NCAM1: variants seen among roughly 807,000 people sequenced by gnomAD.
NCAM1 encodes neural cell adhesion molecule 1, also known as antigen recognized by monoclonal antibody 5.1H11.
A neutral mutation model predicts 109.8 loss-of-function variants in NCAM1; 14 were observed. That is an observed-to-expected ratio of 0.13 (90% CI 0.08 to 0.20). The LOEUF (loss-of-function observed/expected upper bound fraction) is 0.20, where lower values mean the gene tolerates loss of function less well. NCAM1 is among the 10% of genes least tolerant of loss of function. The pLI is 1.00. For missense variants in NCAM1, 774 were observed against 1,109.9 expected (o/e 0.70, Z 4.30); for synonymous variants, 418 against 442.9 (o/e 0.94, Z 0.70).
chr11:113,041,852 A>G (rs562788271), intron 1 of NCAM1, among the ~76,000 whole-genome samples: 2 of 152,058 alleles, frequency 1.3e-5, no homozygotes, highest in African/African-American at 4.8e-5. Context: ...TTACCCCTTT[A>G]CCTGTCCCTC....
chr11:112,989,614 T>TC (rs1220764819), intron 1 of NCAM1, among the ~76,000 whole-genome samples: 3 of 152,184 alleles, frequency 2.0e-5, no homozygotes, highest in East Asian at 3.9e-4. Flanking sequence ...AGTTATTAGA[T>TC]CTCCATTTCT....
chr11:113,188,441 G>A (rs1943578070), intron 1 of NCAM1, among the ~76,000 whole-genome samples: 1 of 152,180 alleles, frequency 6.6e-6, no homozygotes, highest in Non-Finnish European at 1.5e-5. Flanking sequence ...CATTCAGCAT[G>A]GAGTTTGTTT....
intron 13 of NCAM1, 68 bp from the exon 14 acceptor site, chr11:113,234,965 C>T: frequency 6.7e-7 from 1 of 1,488,186 alleles, no homozygotes; most frequent in Non-Finnish European, 9.0e-7. Context: ...ACCCTCCCTA[C>T]TGTTTTTCAG....
intron 17 of NCAM1, chr11:113,263,391 C>G: frequency 1.0e-6 from 1 of 989,390 alleles, no homozygotes; most frequent in South Asian, 4.6e-5. Flanking sequence ...TAATAATTGG[C>G]TTTGCTTGCA....
intron 15 of NCAM1, among the ~76,000 whole-genome samples, chr11:113,248,915 G>T (rs1282610472): frequency 6.6e-6 from 1 of 152,128 alleles, no homozygotes; most frequent in East Asian, 1.9e-4. Context: ...TGATTCTAAG[G>T]TCATGGCATC....
chr11:113,110,634 C>T (rs1940404211), intron 1 of NCAM1, among the ~76,000 whole-genome samples: 1 of 152,072 alleles, frequency 6.6e-6, no homozygotes, highest in East Asian at 1.9e-4. Context: ...CTGGTGTTTA[C>T]TATTAATATT....
chr11:113,265,978 C>G (rs1335320101), intron 17 of NCAM1, among the ~76,000 whole-genome samples: 1 of 152,176 alleles, frequency 6.6e-6, no homozygotes, highest in African/African-American at 2.4e-5. Flanking sequence ...AGATGGACAG[C>G]TCCACCTTCA....
intron 1 of NCAM1, among the ~76,000 whole-genome samples, chr11:113,025,016 G>A (rs1370761267): frequency 6.6e-6 from 1 of 152,234 alleles, no homozygotes; most frequent in Non-Finnish European, 1.5e-5. Flanking sequence ...CTCATTGGAA[G>A]TAAATGGCTA....
intron 1 of NCAM1, among the ~76,000 whole-genome samples, chr11:112,968,267 C>G (rs1950779668): frequency 6.6e-6 from 1 of 152,202 alleles, no homozygotes; most frequent in Non-Finnish European, 1.5e-5. Flanking sequence ...ATATTTGTCA[C>G]TGCCGATATT....
At chr11:113,147,110 C>T (rs1160615063) in intron 1 of NCAM1, among the ~76,000 whole-genome samples, 1 of 152,160 alleles carries the variant, frequency 6.6e-6, no homozygotes, top group Non-Finnish European at 1.5e-5. Context: ...TGATCACTTG[C>T]ATTTTCAGGA....
chr11:113,144,394 A>C (rs1555101005), intron 1 of NCAM1, among the ~76,000 whole-genome samples: 1 of 152,230 alleles, frequency 6.6e-6, no homozygotes, highest in African/African-American at 2.4e-5. Flanking sequence ...TACTTCTTAA[A>C]GATTAGCAGT....
chr11:113,001,697 G>A (rs1407716671), intron 1 of NCAM1, among the ~76,000 whole-genome samples: 3 of 152,250 alleles, frequency 2.0e-5, no homozygotes, highest in Non-Finnish European at 4.4e-5. Context: ...AGGCTGGTGT[G>A]GTGCCTAACC....
chr11:113,170,877 T>A (rs1171230789), intron 1 of NCAM1, among the ~76,000 whole-genome samples: 2 of 152,210 alleles, frequency 1.3e-5, no homozygotes, highest in African/African-American at 4.8e-5. Flanking sequence ...AAATAATTAT[T>A]TATGCTGTAA....
In NCAM1 at chr11:112,962,633, G is replaced by A. The variant is rs1950600987; in HGVS notation, c.52+969G>A. Among the ~76,000 whole-genome samples the A allele has an allele frequency of 6.6e-6, 1 of 152,164 alleles. No homozygotes were observed. ...GACAGTAGTGATGCTGCCGCGGGTG[G>A]CGGGGGTTGCGCCGCCGCCCAGAGA... is the stretch of plus-strand genomic sequence containing the variant. On this transcript the variant is annotated intron_variant, in intron 1 of 19. Coordinates refer to ENST00000316851, the MANE Select transcript of NCAM1 (RefSeq NM_181351.5). This position sits in a 1 kb window ranked among gnomAD's most constrained non-coding sequence, Gnocchi z 5.6.
At position 113,217,176 on chromosome 11, in the gene NCAM1, A is replaced by G. The variant is rs529537315; in HGVS notation, c.1059+2665A>G. On this transcript the variant is annotated intron_variant, in intron 8 of 19. Transcript: ENST00000316851. ...GCACCTTTTGAGGTCATCCAGTCTC[A>G]CCTGGCACCCTGGCCTAGCATCCTT... Among the ~76,000 whole-genome samples the G allele has an allele frequency of 2.0e-5, 3 of 152,316 alleles. No individual in the cohort carries two copies. The South Asian group carries it at 6.2e-4, about 32-fold the overall frequency.
At chr11:112,975,794 T>C (rs889071345) in intron 1 of NCAM1, among the ~76,000 whole-genome samples, 11 of 152,056 alleles carry the variant, frequency 7.2e-5, no homozygotes, top group African/African-American at 2.7e-4. Flanking sequence ...TAACTGGTCA[T>C]GAAGGCAGTT....
chr11:113,241,038 C>T (rs555532290), intron 14 of NCAM1, among the ~76,000 whole-genome samples: 8 of 152,200 alleles, frequency 5.3e-5, no homozygotes, highest in East Asian at 3.9e-4. Context: ...GAAGGAGAGG[C>T]GAGGGAAAAG....
intron 1 of NCAM1, among the ~76,000 whole-genome samples, chr11:113,069,853 G>A (rs1461109078): frequency 6.6e-6 from 1 of 152,198 alleles, no homozygotes; most frequent in Non-Finnish European, 1.5e-5. Flanking sequence ...TGGAGATACA[G>A]TGAGACCACT....
chr11:113,088,240 T>A (rs1429353724), intron 1 of NCAM1, among the ~76,000 whole-genome samples: 2 of 152,230 alleles, frequency 1.3e-5, no homozygotes, highest in Non-Finnish European at 2.9e-5. Flanking sequence ...TGTCTCTAAC[T>A]TCAAATCACA....
Sources: gnomAD v4.1 joint callset for allele counts (sites outside exome capture counted in the v4.1 genomes callset) on GRCh38, gnomAD v4.1.1 for gene constraint, Gnocchi (gnomAD v3.1) non-coding constraint, MANE v1.5 for transcripts, NCBI Gene and HGNC (gene_info 2026-07-23, HGNC 2026-07-21) for gene names.